Variants in RREB1 observed in about 807,000 individuals in gnomAD.
RREB1 encodes the protein ras-responsive element-binding protein 1.
A neutral mutation model predicts 117.8 loss-of-function variants in RREB1; 27 were observed. The observed-to-expected ratio is 0.23, with a 90% CI of 0.17 to 0.32. The LOEUF (loss-of-function observed/expected upper bound fraction) is 0.32, where lower values mean the gene tolerates loss of function less well. RREB1 is among the 10% of genes least tolerant of loss of function. The pLI, the probability that RREB1 is intolerant of heterozygous loss-of-function variation, is 1.00. For missense variants in RREB1, 2,577 were observed against 2,378.2 expected (o/e 1.08, Z -1.74); for synonymous variants, 1,298 against 1,026.7 (o/e 1.26, Z -5.05).
At chr6:7,212,358 AACACGGGTAGTG>A (rs2113622336) in intron 8 of RREB1, 1 of 152,354 alleles carries the variant, frequency 6.6e-6, no homozygotes, top group African/African-American at 2.4e-5. Flanking sequence ...CCAGGCAGAA[AACACGGGTAGTG>A]ACAGGACTTC....
At chr6:7,245,040 T>A (rs1768922913) in intron 11 of RREB1, among the ~76,000 whole-genome samples, 1 of 152,186 alleles carries the variant, frequency 6.6e-6, no homozygotes, top group African/African-American at 2.4e-5. Flanking sequence ...CTCGTACTTG[T>A]GCCATAAAAC....
intron 2 of RREB1, among the ~76,000 whole-genome samples, chr6:7,179,315 G>A (rs77961432): frequency 0.031 from 4,747 of 152,042 alleles, 195 homozygotes; most frequent in African/African-American, 0.09. Flanking sequence ...TTTGAGATGG[G>A]GTCTTGCTGT....
At chr6:7,160,800 C>T (rs868622020) in intron 1 of RREB1, among the ~76,000 whole-genome samples, 2 of 139,376 alleles carry the variant, frequency 1.4e-5, no homozygotes, top group South Asian at 2.2e-4. Flanking sequence ...AATTCTCCTG[C>T]CTCAGCCTCC....
chr6:7,210,179 T>TA (rs1766505411), intron 6 of RREB1, among the ~76,000 whole-genome samples: 1 of 152,238 alleles, frequency 6.6e-6, no homozygotes, highest in East Asian at 1.9e-4. Flanking sequence ...CTGTAGATAT[T>TA]AGAGTTACCA....
At chr6:7,235,917 CTG>C (rs1344646876) in intron 10 of RREB1, among the ~76,000 whole-genome samples, 5 of 152,210 alleles carry the variant, frequency 3.3e-5, no homozygotes, top group Non-Finnish European at 7.3e-5. Context: ...GTTCCAGGAA[CTG>C]TGTTTGATGA....
At chr6:7,239,605 C>T (rs1052254656) in intron 10 of RREB1, among the ~76,000 whole-genome samples, 1 of 152,240 alleles carries the variant, frequency 6.6e-6, no homozygotes, top group Non-Finnish European at 1.5e-5. Context: ...CAGTGGCTCA[C>T]CCATCTGTGC....
chr6:7,212,824 C>G (rs1397674547), intron 8 of RREB1: 2 of 152,122 alleles, frequency 1.3e-5, no homozygotes, highest in Admixed American at 1.3e-4. Context: ...TAGGGAAAAT[C>G]CAAATTGTAC....
intron 1 of RREB1, among the ~76,000 whole-genome samples, chr6:7,110,411 C>T (rs895636670): frequency 6.6e-6 from 1 of 152,082 alleles, no homozygotes; most frequent in African/African-American, 2.4e-5. Context: ...CACAGAACTT[C>T]TGAAGGAATG....
chr6:7,248,914 C>T lies in RREB1; in HGVS notation c.5175C>T (p.Ala1725=). The change falls in exon 13 of 13, where the codon GCC becomes GCT. Residue 1725 remains alanine, a synonymous_variant. Coordinates refer to ENST00000379938, the MANE Select transcript of RREB1 (RefSeq NM_001003699.4). ...TGGAGCCGCGCAGCAAGAGGCCTGC[C>T]CACCCAATCCTGGCCACAGCTGATG... ...DLLEPRSKRP[A]HPILATADGA... 6.5e-7 allele frequency: 1 copy of T among 1,540,850 alleles called. No homozygotes were observed. Among genetic ancestry groups the T allele is most frequent in the East Asian group, 2.4e-5 (1 of 41,588 alleles).
chr6:7,232,210 T>C (rs2113126760), intron 10 of RREB1, among the ~76,000 whole-genome samples: 1 of 152,268 alleles, frequency 6.6e-6, no homozygotes, highest in South Asian at 2.1e-4. Context: ...CGTCGCCTCA[T>C]CCCTTCCGGA....
chr6:7,238,040 G>A (rs1250508321), intron 10 of RREB1, among the ~76,000 whole-genome samples: 1 of 152,124 alleles, frequency 6.6e-6, no homozygotes, highest in African/African-American at 2.4e-5. Context: ...GAAGCCGATT[G>A]TTTTCTTTGA....
intron 1 of RREB1, among the ~76,000 whole-genome samples, chr6:7,169,006 T>C (rs545905314): frequency 1.3e-5 from 2 of 152,360 alleles, no homozygotes; most frequent in South Asian, 4.1e-4. Context: ...GTTAGTGCCC[T>C]AGGTTATCAG....
chr6:7,126,163 A>G (rs368576752), intron 1 of RREB1, among the ~76,000 whole-genome samples: 24 of 152,036 alleles, frequency 1.6e-4, no homozygotes, highest in Admixed American at 3.3e-4. Context: ...CACCACACCC[A>G]GCTAATTTTT....
intron 11 of RREB1, among the ~76,000 whole-genome samples, chr6:7,244,060 T>C (rs948819830): frequency 6.6e-6 from 1 of 151,962 alleles, no homozygotes; most frequent in African/African-American, 2.4e-5. Context: ...TCAGGAGTTC[T>C]GAGACCAGCC....
At chr6:7,156,382 A>G (rs1349800125) in intron 1 of RREB1, among the ~76,000 whole-genome samples, 1 of 152,242 alleles carries the variant, frequency 6.6e-6, no homozygotes, top group Non-Finnish European at 1.5e-5. Context: ...CTGAACTCAC[A>G]CTAATTGAAT....
At chr6:7,121,425 T>G (rs904436278) in intron 1 of RREB1, among the ~76,000 whole-genome samples, 2 of 152,194 alleles carry the variant, frequency 1.3e-5, no homozygotes, top group African/African-American at 4.8e-5. Flanking sequence ...CATGACCTGA[T>G]TTTCCAACTT....
chr6:7,224,505 G>A (rs938375270), intron 8 of RREB1, among the ~76,000 whole-genome samples: 1 of 151,940 alleles, frequency 6.6e-6, no homozygotes, highest in South Asian at 2.1e-4. Context: ...AATTGAACTT[G>A]AGCATGGGGG....
At chr6:7,141,131 C>T (rs1479031862) in intron 1 of RREB1, among the ~76,000 whole-genome samples, 1 of 152,188 alleles carries the variant, frequency 6.6e-6, no homozygotes. Flanking sequence ...GCAGGGGCCC[C>T]CTCGGGCCGC....
chr6:7,121,101 G>A (rs1761661225), intron 1 of RREB1, among the ~76,000 whole-genome samples: 1 of 152,118 alleles, frequency 6.6e-6, no homozygotes, highest in Non-Finnish European at 1.5e-5. Flanking sequence ...TGGGATTACA[G>A]GCGTGAGCCA....
Sources: gnomAD v4.1 joint callset for allele counts (sites outside exome capture counted in the v4.1 genomes callset) on GRCh38, gnomAD v4.1.1 for gene constraint, MANE v1.5 for transcripts, NCBI Gene and HGNC (gene_info 2026-07-23, HGNC 2026-07-21) for gene names.